The following MAP2K5 variants were observed in gnomAD, a reference collection of about 807,000 sequenced individuals.
The protein encoded by MAP2K5 is mitogen-activated protein kinase kinase 5.
In MAP2K5, 49 loss-of-function variants were observed where a neutral mutation model predicts 83.1. That is an observed-to-expected ratio of 0.59 (90% CI 0.47 to 0.75). The LOEUF is 0.75. Ranked by LOEUF, MAP2K5 falls within the 30% of genes least tolerant of loss-of-function variation. MAP2K5 has a pLI of 0.00. For synonymous variants in MAP2K5, 202 were observed against 191.8 expected, an observed-to-expected ratio of 1.05 and a Z score of -0.44; for missense variants, 457 against 557.5, an observed-to-expected ratio of 0.82 and a Z score of 1.82.
rs1004104820 is a variant in MAP2K5 at position 67,719,737 on chromosome 15, C to T, written c.1045-8179C>T. 1.3e-5 allele frequency among the ~76,000 whole-genome samples: 2 copies of T among 152,204 alleles called. No individual in the cohort carries two copies. Among genetic ancestry groups the T allele is most frequent in the African/African-American group, 4.8e-5 (2 of 41,444 alleles). ...AAATCTATCTACTCATCTGTTGCAA[C>T]ATCTCAGATTCCAGATAGGAAAACT... On this transcript the variant is annotated intron_variant, in intron 16 of 21. Transcript: ENST00000178640. This position sits in a 1 kb window ranked among gnomAD's most constrained non-coding sequence, Gnocchi z 4.6.
intron 6 of MAP2K5, among the ~76,000 whole-genome samples, chr15:67,592,377 C>G (rs2085434101): frequency 6.6e-6 from 1 of 152,000 alleles, no homozygotes; most frequent in South Asian, 2.1e-4. Flanking sequence ...CCCCATTTTA[C>G]AGAAAGAGGA....
chr15:67,572,806 C>G lies in MAP2K5; in HGVS notation c.253-7948C>G, dbSNP rs1306206122. ...ACTCACCTCTCGGGTTCAAGTGATT[C>G]TCCTGCCTCAACCTCCTGAGTAGCT... On this transcript the variant is annotated intron_variant, in intron 3 of 21. Transcript: ENST00000178640. This position sits in a 1 kb window ranked among gnomAD's most constrained non-coding sequence, Gnocchi z 4.2. Among the ~76,000 whole-genome samples the G allele has an allele frequency of 6.6e-6, 1 of 151,836 alleles. No individual in the cohort carries two copies. The highest frequency in any genetic ancestry group is 1.5e-5 in the Non-Finnish European group (1 of 68,010).
At position 67,631,267 on chromosome 15, in the gene MAP2K5, T is replaced by C. The variant is rs1399134183; in HGVS notation, c.585+340T>C. Among the ~76,000 whole-genome samples, 4 of 152,218 alleles carry C rather than the reference T, an allele frequency of 2.6e-5. No individual in the cohort carries two copies. The East Asian group carries it at 7.7e-4, about 29-fold the overall frequency. On this transcript the variant is annotated intron_variant, in intron 9 of 21. Transcript: ENST00000178640. The stretch of plus-strand genomic sequence containing the variant: ...CTTTTCCTTCTTTAAATATGCCACA[T>C]CCTGTGAATTGCTGTATCCCGTTAG...
At position 67,555,194 on chromosome 15, in the gene MAP2K5, T is replaced by C. The variant is rs1567269588; in HGVS notation, c.184+5112T>C. Reference sequence around the variant, plus strand: ...CACAGTTCTACAGGCTGTACAAGCATGGCACTAGCATCTGCTTGCATTCTG... The same window carrying C: ...CACAGTTCTACAGGCTGTACAAGCACGGCACTAGCATCTGCTTGCATTCTG... On this transcript the variant is annotated intron_variant, in intron 2 of 21. Coordinates refer to ENST00000178640, the MANE Select transcript of MAP2K5 (RefSeq NM_145160.3). This position sits in a 1 kb window ranked among gnomAD's most constrained non-coding sequence, Gnocchi z 5.2. Among the ~76,000 whole-genome samples, 3 of 152,236 alleles carry C rather than the reference T, an allele frequency of 2.0e-5. No individual in the cohort carries two copies. Among genetic ancestry groups the C allele is most frequent in the South Asian group, 4.1e-4 (2 of 4,836 alleles).
chr15:67,633,001 A>AT, intron 9 of MAP2K5, among the ~76,000 whole-genome samples: 1 of 152,338 alleles, frequency 6.6e-6, no homozygotes, highest in East Asian at 1.9e-4. Context: ...GGTCCATAGA[A>AT]TTGTAGAACT....
rs921626021 is a variant in MAP2K5, at chr15:67,775,746, G to A, written c.1242+2994G>A. On this transcript the variant is annotated intron_variant, in intron 21 of 21. Transcript: ENST00000178640. This position sits in a 1 kb window ranked among gnomAD's most constrained non-coding sequence, Gnocchi z 5.3. ...GAAAAGGGCCTTTGGAGGATGAAGT[G>A]AATTTTAATAGAGAGCTTTGAAGGG... Among the ~76,000 whole-genome samples the A allele has an allele frequency of 1.3e-5, 2 of 152,020 alleles. No individual in the cohort carries two copies. The highest frequency in any genetic ancestry group is 2.9e-5 in the Non-Finnish European group (2 of 67,988).
intron 12 of MAP2K5, among the ~76,000 whole-genome samples, chr15:67,662,026 A>T (rs151044548): frequency 2.0e-5 from 3 of 152,108 alleles, no homozygotes; most frequent in Non-Finnish European, 4.4e-5. Context: ...TCCAGAATAC[A>T]TGTGTTTTAT....
chr15:67,582,946 T>C (rs2085212975), intron 4 of MAP2K5, among the ~76,000 whole-genome samples: 1 of 152,188 alleles, frequency 6.6e-6, no homozygotes, highest in African/African-American at 2.4e-5. Flanking sequence ...TTTTCTTTCC[T>C]TTTGTGAGCA....
rs184907743 is a variant in MAP2K5 at position 67,681,082 on chromosome 15, G to A, written c.848-11397G>A. Among the ~76,000 whole-genome samples the A allele has an allele frequency of 5.4e-3, 819 of 152,308 alleles. 12 individuals carry two copies. Among genetic ancestry groups the A allele is most frequent in the African/African-American group, 0.019 (771 of 41,562 alleles). ...TACAAAATGTTTTTCCCATTCATCTGATTCATTCAACATTTCACTGACCTC... is the reference window on the plus strand; with the variant it reads ...TACAAAATGTTTTTCCCATTCATCTAATTCATTCAACATTTCACTGACCTC... On this transcript the variant is annotated intron_variant, in intron 13 of 21. Transcript: ENST00000178640.
intron 13 of MAP2K5, among the ~76,000 whole-genome samples, chr15:67,675,876 A>C (rs749333248): frequency 2.0e-5 from 3 of 152,178 alleles, no homozygotes; most frequent in Non-Finnish European, 4.4e-5. Flanking sequence ...ACCCTCTTCC[A>C]TTCTGAAAAT....
At chr15:67,705,855 G>T (rs920078690) in intron 16 of MAP2K5, among the ~76,000 whole-genome samples, 2 of 152,202 alleles carry the variant, frequency 1.3e-5, no homozygotes, top group African/African-American at 2.4e-5. Context: ...AAGGCACCAA[G>T]ATAGAGTACA....
At chr15:67,709,676 A>G (rs1241741778) in intron 16 of MAP2K5, among the ~76,000 whole-genome samples, 2 of 152,194 alleles carry the variant, frequency 1.3e-5, no homozygotes, top group Admixed American at 6.5e-5. Context: ...CTCATTTTTT[A>G]CTAAGTAATT....
At chr15:67,725,056 G>C (rs1272482977) in intron 16 of MAP2K5, among the ~76,000 whole-genome samples, 2 of 152,174 alleles carry the variant, frequency 1.3e-5, no homozygotes, top group African/African-American at 2.4e-5. Context: ...AAGATGTCAG[G>C]AAATAACACT....
intron 3 of MAP2K5, among the ~76,000 whole-genome samples, chr15:67,567,651 A>T (rs1036231783): frequency 6.6e-6 from 1 of 152,226 alleles, no homozygotes; most frequent in Non-Finnish European, 1.5e-5. Flanking sequence ...GGCGTGAGCC[A>T]CCGCGCCCGG....
chr15:67,548,449 G>C (rs182325326), intron 1 of MAP2K5, among the ~76,000 whole-genome samples: 1 of 152,338 alleles, frequency 6.6e-6, no homozygotes, highest in East Asian at 1.9e-4. Context: ...AGTTATTGGT[G>C]TTTTGTTTTA....
In MAP2K5 at chr15:67,711,012, ATCT is replaced by A. The variant is rs377696928; in HGVS notation, c.1044+7614_1044+7616del. 7.5e-4 allele frequency among the ~76,000 whole-genome samples: 114 copies of A among 152,326 alleles called. 1 individual carries two copies. Among genetic ancestry groups the A allele is most frequent in the East Asian group, 6.9e-3 (36 of 5,190 alleles). On this transcript the variant is annotated intron_variant, in intron 16 of 21. Transcript: ENST00000178640. ...TCTGATATCTCCAGCTGAAGGTAAT[ATCT>A]TCTTCTTCTGACCTTCACCTGCATC...
rs1054537355 is a variant in MAP2K5, at chr15:67,785,286, C to T, written c.1242+12534C>T. ...ACACAGGAAGATAAGGAATTTGTGC[C>T]AGGATATAAATCAAGCCTGTCTGAA... is the stretch of plus-strand genomic sequence containing the variant. On this transcript the variant is annotated intron_variant, in intron 21 of 21. Transcript: ENST00000178640. The surrounding 1 kb of genome is among the most constrained non-coding windows in gnomAD (Gnocchi z 4.4). Among the ~76,000 whole-genome samples the T allele has an allele frequency of 2.6e-5, 4 of 152,160 alleles. No homozygotes were observed. Among genetic ancestry groups the T allele is most frequent in the Non-Finnish European group, 5.9e-5 (4 of 68,028 alleles).
chr15:67,705,812 G>A (rs2088537287), intron 16 of MAP2K5, among the ~76,000 whole-genome samples: 1 of 152,122 alleles, frequency 6.6e-6, no homozygotes, highest in Admixed American at 6.5e-5. Context: ...CTTGAATGCT[G>A]TGAGAGAAGG....
chr15:67,776,484 T>A (rs1292462068), intron 21 of MAP2K5, among the ~76,000 whole-genome samples: 3 of 151,930 alleles, frequency 2.0e-5, no homozygotes, highest in African/African-American at 7.3e-5. Context: ...TCAGAAAGGA[T>A]TGGTGGGACT....
Sources: allele counts gnomAD v4.1 joint callset (sites outside exome capture counted in the v4.1 genomes callset), GRCh38; gene constraint gnomAD v4.1.1; non-coding constraint Gnocchi (gnomAD v3.1); transcripts MANE v1.5; gene names NCBI Gene and HGNC (gene_info 2026-07-23, HGNC 2026-07-21).